RADIL: variants seen among roughly 807,000 people sequenced by gnomAD.
The protein encoded by RADIL is ras-associating and dilute domain-containing protein.
A neutral mutation model predicts 97.6 loss-of-function variants in RADIL; 99 were observed. That is an observed-to-expected ratio of 1.01 (90% CI 0.86 to 1.20). The LOEUF (loss-of-function observed/expected upper bound fraction) is 1.20, where lower values mean the gene tolerates loss of function less well. RADIL is among the 50% of genes most tolerant of loss of function. RADIL has a pLI of 0.00. For missense variants in RADIL, 1,765 were observed against 1,498.9 expected (o/e 1.18, Z -2.93); for synonymous variants, 803 against 691.8 (o/e 1.16, Z -2.52).
rs1782764547 is a variant in RADIL, at chr7:4,819,255, A to T, written c.1616-1904T>A. 6.6e-6 allele frequency among the ~76,000 whole-genome samples: 1 copy of T among 151,816 alleles called. No individual in the cohort carries two copies. The highest frequency in any genetic ancestry group is 2.4e-5 in the African/African-American group (1 of 41,300). ...CCTGGCTAATTTTTGTATTTTTAGT[A>T]GAGACGGGGTTTCACCATGTTGGCC... On this transcript the variant is annotated intron_variant, in intron 6 of 14. Transcript: ENST00000399583. This position sits in a 1 kb window ranked among gnomAD's most constrained non-coding sequence, Gnocchi z 5.8.
intron 10 of RADIL, among the ~76,000 whole-genome samples, chr7:4,804,519 G>GCT (rs1197012052): frequency 6.6e-6 from 1 of 152,238 alleles, no homozygotes; most frequent in Non-Finnish European, 1.5e-5. Context: ...GGGGGTGGCG[G>GCT]CTCACGCCTG....
chr7:4,801,179 C>T (rs1363835357), intron 12 of RADIL, among the ~76,000 whole-genome samples: 1 of 152,112 alleles, frequency 6.6e-6, no homozygotes, highest in East Asian at 1.9e-4. Flanking sequence ...CACACCCATG[C>T]AGATGCACAC....
rs766331555 is a variant in RADIL at position 4,834,569 on chromosome 7, C to G, written c.1416+38G>C. Reference sequence around the variant, plus strand: ...CTCCGGGCCCCCTCTTCCCCCAGACCGGCACAGGACCCAGACCGCCCACCC... The same window carrying G: ...CTCCGGGCCCCCTCTTCCCCCAGACGGGCACAGGACCCAGACCGCCCACCC... On this transcript the variant is annotated intron_variant, in intron 4 of 14. Coordinates refer to ENST00000399583, the MANE Select transcript of RADIL (RefSeq NM_018059.5). The surrounding 1 kb of genome is among the most constrained non-coding windows in gnomAD (Gnocchi z 6.0). 1.0e-4 allele frequency: 131 copies of G among 1,306,508 alleles called. No homozygotes were observed. Among genetic ancestry groups the G allele is most frequent in the Non-Finnish European group, 1.3e-4 (129 of 1,023,342 alleles). The allele number at this position is 1,306,508 out of a possible 1,614,324, so 80.9% of individuals were successfully genotyped here.
intron 13 of RADIL, 43 bp from the exon 14 acceptor site, chr7:4,799,812 G>A (rs1562423194): frequency 6.8e-7 from 1 of 1,460,216 alleles, no homozygotes; most frequent in Non-Finnish European, 9.0e-7. Context: ...GGCCCGACTG[G>A]CTGTCCCCAG....
intron 9 of RADIL, chr7:4,809,562 C>T (rs999616645): frequency 5.1e-6 from 5 of 985,366 alleles, no homozygotes; most frequent in Non-Finnish European, 6.0e-6. Flanking sequence ...CCAGGCACCA[C>T]GGCAGGTCCC....
rs1372857673 is a variant in RADIL at position 4,840,255 on chromosome 7, G to A, written c.536-3650C>T. Among the ~76,000 whole-genome samples, 1 of 152,102 alleles carries A rather than the reference G, an allele frequency of 6.6e-6. No homozygotes were observed. The highest frequency in any genetic ancestry group is 1.5e-5 in the Non-Finnish European group (1 of 68,016). ...AGAGCTGCAATCGTGCCCTGTTTGTGCCTGACCTGATACAGCTTCGTCACC... is the reference window on the plus strand; with the variant it reads ...AGAGCTGCAATCGTGCCCTGTTTGTACCTGACCTGATACAGCTTCGTCACC... On this transcript the variant is annotated intron_variant, in intron 2 of 14. Transcript: ENST00000399583. This position sits in a 1 kb window ranked among gnomAD's most constrained non-coding sequence, Gnocchi z 5.6.
chr7:4,801,033 T>A (rs116013713), intron 12 of RADIL, among the ~76,000 whole-genome samples: 1 of 152,144 alleles, frequency 6.6e-6, no homozygotes, highest in Admixed American at 6.5e-5. Context: ...CATGCACACA[T>A]ATACTCACAG....
intron 2 of RADIL, chr7:4,859,444 T>C (rs1301185345): frequency 1.9e-5 from 3 of 158,752 alleles, no homozygotes; most frequent in African/African-American, 4.8e-5. Flanking sequence ...TCCTTTGAAA[T>C]AGTTAATGTA....
chr7:4,801,539 G>A (rs575029006), intron 12 of RADIL, 114 bp downstream of exon 12: 103 of 1,157,832 alleles, frequency 8.9e-5, no homozygotes, highest in Non-Finnish European at 1.1e-4. Context: ...AGGTGTCTGT[G>A]GGGCAGGTAA....
rs867411728 is a variant in RADIL at position 4,867,414 on chromosome 7, T to C, written c.535+10191A>G. On this transcript the variant is annotated intron_variant, in intron 2 of 14. Coordinates refer to ENST00000399583, the MANE Select transcript of RADIL (RefSeq NM_018059.5). The surrounding 1 kb of genome is among the most constrained non-coding windows in gnomAD (Gnocchi z 4.1). The stretch of plus-strand genomic sequence containing the variant: ...TGCTTAAGGAAATGAATATGTAGTA[T>C]AGGCATATAATGGAAAACTATGAAT... Among the ~76,000 whole-genome samples, 3 of 152,130 alleles carry C rather than the reference T, an allele frequency of 2.0e-5. No homozygotes were observed. The highest frequency in any genetic ancestry group is 4.4e-5 in the Non-Finnish European group (3 of 68,038).
intron 2 of RADIL, among the ~76,000 whole-genome samples, chr7:4,851,213 A>AAAAAG (rs375776305): frequency 2.4e-4 from 36 of 152,190 alleles, no homozygotes; most frequent in South Asian, 8.3e-4. Context: ...AAAAAAAGAA[A>AAAAAG]AAAAGAAAAG....
chr7:4,801,966 G>A lies in RADIL; in HGVS notation c.2529C>T (p.His843=), dbSNP rs1453318827. The A allele has an allele frequency of 3.9e-6, 6 of 1,551,766 alleles. No homozygotes were observed. The highest frequency in any genetic ancestry group is 5.2e-6 in the Non-Finnish European group (6 of 1,153,404). The change falls in exon 12 of 15, where the codon CAC becomes CAT. Residue 843 remains histidine, a synonymous_variant. Transcript: ENST00000399583. The part of the protein sequence containing the change: ...EGMHHVVLDG[H]LEAPSCPLAP... ...CCAGGGGGCAGCTCGGGGCCTCCAG[G>A]TGCCCGTCAAGGACCACGTGGTGCA...
rs1783277981 is a variant in RADIL, at chr7:4,835,657, G to C, written c.784-418C>G. Among the ~76,000 whole-genome samples, 1 of 152,116 alleles carries C rather than the reference G, an allele frequency of 6.6e-6. No homozygotes were observed. On this transcript the variant is annotated intron_variant, in intron 3 of 14. Coordinates refer to ENST00000399583, the MANE Select transcript of RADIL (RefSeq NM_018059.5). This position sits in a 1 kb window ranked among gnomAD's most constrained non-coding sequence, Gnocchi z 5.8. Reference sequence around the variant, plus strand: ...TGTGGGAGCACTGCCGCCTGTGTGAGAGCACTGCCCCGAGGGAAGATGCCA... The same window carrying C: ...TGTGGGAGCACTGCCGCCTGTGTGACAGCACTGCCCCGAGGGAAGATGCCA...
At chr7:4,827,878 T>C (rs1271447510) in intron 5 of RADIL, among the ~76,000 whole-genome samples, 1 of 149,476 alleles carries the variant, frequency 6.7e-6, no homozygotes, top group Non-Finnish European at 1.5e-5. Context: ...GTTACTAAAA[T>C]CAGACAAGGA....
At position 4,864,437 on chromosome 7, in the gene RADIL, T is replaced by G. The variant is rs541407302; in HGVS notation, c.535+13168A>C. ...TTCCACAGCTTTAAATACCACTTAC[T>G]TACAGATTAATTCATATTTTAATCA... On this transcript the variant is annotated intron_variant, in intron 2 of 14. Coordinates refer to ENST00000399583, the MANE Select transcript of RADIL (RefSeq NM_018059.5). 4.7e-4 allele frequency among the ~76,000 whole-genome samples: 72 copies of G among 152,358 alleles called. No individual in the cohort carries two copies. The South Asian group carries it at 0.015, about 31-fold the overall frequency.
In RADIL at chr7:4,834,159, A is replaced by G. The variant is rs887387998; in HGVS notation, c.1416+448T>C. Among the ~76,000 whole-genome samples, 2 of 152,100 alleles carry G rather than the reference A, an allele frequency of 1.3e-5. No homozygotes were observed. The highest frequency in any genetic ancestry group is 4.8e-5 in the African/African-American group (2 of 41,432). ...GATGGCTCCAGCGGGTATGTGCTCA[A>G]CCGGCCCCTGGCAGCAAGCACAGGG... On this transcript the variant is annotated intron_variant, in intron 4 of 14. Transcript: ENST00000399583. This position sits in a 1 kb window ranked among gnomAD's most constrained non-coding sequence, Gnocchi z 6.0.
chr7:4,810,905 G>T (rs1008315806), intron 9 of RADIL, among the ~76,000 whole-genome samples: 2 of 152,228 alleles, frequency 1.3e-5, no homozygotes, highest in African/African-American at 4.8e-5. Flanking sequence ...GGAATCTGAG[G>T]TGGGCGGATC....
intron 10 of RADIL, chr7:4,804,106 C>G (rs913790003): frequency 2.9e-6 from 1 of 348,222 alleles, no homozygotes; most frequent in African/African-American, 2.1e-5. Flanking sequence ...CCCAGCCCGG[C>G]AGAGCTGGAC....
intron 2 of RADIL, among the ~76,000 whole-genome samples, chr7:4,853,817 T>C (rs959559921): frequency 6.6e-6 from 1 of 151,866 alleles, no homozygotes. Context: ...TCTAAATATA[T>C]GTGTGTTGTG....
Sources: allele counts gnomAD v4.1 joint callset (sites outside exome capture counted in the v4.1 genomes callset), GRCh38; gene constraint gnomAD v4.1.1; non-coding constraint Gnocchi (gnomAD v3.1); transcripts MANE v1.5; gene names NCBI Gene and HGNC (gene_info 2026-07-23, HGNC 2026-07-21).